The following SHLD2 variants were observed in gnomAD, a reference collection of about 807,000 sequenced individuals.
SHLD2 encodes the protein RINN1-REV7-interacting novel NHEJ regulator 2.
In SHLD2, 30 loss-of-function variants were observed where a neutral mutation model predicts 73.2. The observed-to-expected ratio is 0.41, with a 90% confidence interval of 0.31 to 0.56. The LOEUF is 0.56. Ranked by LOEUF, SHLD2 falls within the 20% of genes least tolerant of loss-of-function variation. The pLI is 0.28. For synonymous variants in SHLD2, 285 were observed against 370.1 expected (o/e 0.77, Z 2.64); for missense variants, 745 against 1,055.9 (o/e 0.71, Z 4.08).
intron 2 of SHLD2, among the ~76,000 whole-genome samples, chr10:87,118,140 A>G (rs1352473507): frequency 6.6e-6 from 1 of 152,246 alleles, no homozygotes. Context: ...CTGCTAAGCT[A>G]GAATGGAAGA....
At chr10:87,151,221 CAAAA>C (rs1338147483) in intron 2 of SHLD2, 125 bp from the exon 3 acceptor site, 1 of 502,042 alleles carries the variant, frequency 2.0e-6, no homozygotes, top group Admixed American at 3.7e-5. Context: ...AATGGCATAT[CAAAA>C]AAATCACCTA....
intron 2 of SHLD2, among the ~76,000 whole-genome samples, chr10:87,108,556 C>T (rs1014249030): frequency 2.0e-5 from 3 of 152,124 alleles, no homozygotes; most frequent in East Asian, 1.9e-4. Context: ...TCTCCCACCC[C>T]GGCCTTTTAA....
intron 4 of SHLD2, among the ~76,000 whole-genome samples, chr10:87,169,274 A>T (rs966163667): frequency 6.6e-6 from 1 of 152,210 alleles, no homozygotes; most frequent in Non-Finnish European, 1.5e-5. Context: ...AACTCTTCTG[A>T]TTCCAGATTT....
At chr10:87,165,905 G>A (rs3129462) in intron 4 of SHLD2, among the ~76,000 whole-genome samples, 7,407 of 152,152 alleles carry the variant, frequency 0.049, 327 homozygotes, top group African/African-American at 0.12. Context: ...TAAGTCTTAC[G>A]TTAGTTCAAA....
chr10:87,127,531 C>A (rs912024454), intron 2 of SHLD2, among the ~76,000 whole-genome samples: 1 of 62,858 alleles, frequency 1.6e-5, no homozygotes, highest in African/African-American at 6.8e-5. Flanking sequence ...TCTTACCCGC[C>A]CCCCCCCACC....
chr10:87,151,659 T>C lies in SHLD2; in HGVS notation c.305T>C (p.Ile102Thr), dbSNP rs1244994260. 1.2e-5 allele frequency: 20 copies of C among 1,611,690 alleles called. No individual in the cohort carries two copies. The highest frequency in any genetic ancestry group is 2.2e-4 in the Middle Eastern group (1 of 4,452). Residue 102 changes from isoleucine (I) to threonine (T), a missense_variant, in exon 3 of 10, where the codon ATA (isoleucine) becomes ACA (threonine). Ile to Thr is a moderately conservative substitution (Grantham distance 89). Coordinates refer to ENST00000298786, the MANE Select transcript of SHLD2 (RefSeq NM_001330112.2). ...CGTTCTGTTTCTGAAACACAGAATA[T>C]AGAATCCCAGAAGATTCACTCCTCT... ...FVRSVSETQN[I>T]ESQKIHSSRL...
At chr10:87,157,629 A>G (rs1846527224) in intron 3 of SHLD2, among the ~76,000 whole-genome samples, 1 of 152,228 alleles carries the variant, frequency 6.6e-6, no homozygotes, top group African/African-American at 2.4e-5. Flanking sequence ...TTATATTCAG[A>G]TATATTTATA....
chr10:87,154,671 G>A (rs575094327), intron 3 of SHLD2, among the ~76,000 whole-genome samples: 1 of 152,214 alleles, frequency 6.6e-6, no homozygotes, highest in Admixed American at 6.5e-5. Flanking sequence ...GTGAGCCACC[G>A]TGCCTGGCCA....
intron 2 of SHLD2, among the ~76,000 whole-genome samples, chr10:87,109,423 C>T (rs990587983): frequency 9.2e-5 from 14 of 151,944 alleles, no homozygotes; most frequent in South Asian, 4.2e-4. Flanking sequence ...CTCAGCCTCC[C>T]GAGTAGCTGG....
intron 2 of SHLD2, among the ~76,000 whole-genome samples, chr10:87,104,901 C>T (rs753405498): frequency 7.9e-5 from 12 of 152,046 alleles, no homozygotes; most frequent in African/African-American, 1.9e-4. Flanking sequence ...CCTTGTGATC[C>T]GCCTGCCTCC....
At chr10:87,106,000 TTTTG>T (rs1006571179) in intron 2 of SHLD2, among the ~76,000 whole-genome samples, 12 of 151,926 alleles carry the variant, frequency 7.9e-5, no homozygotes, top group Non-Finnish European at 1.6e-4. Context: ...GAATAATTGG[TTTTG>T]TTTGTTTGTT....
At chr10:87,113,796 A>C (rs1185898226) in intron 2 of SHLD2, among the ~76,000 whole-genome samples, 2 of 152,210 alleles carry the variant, frequency 1.3e-5, no homozygotes, top group Admixed American at 1.3e-4. Flanking sequence ...ACTTGAGGCC[A>C]GGAGTTCGAG....
At chr10:87,131,577 G>A (rs1844431582) in intron 2 of SHLD2, among the ~76,000 whole-genome samples, 1 of 151,928 alleles carries the variant, frequency 6.6e-6, no homozygotes, top group Non-Finnish European at 1.5e-5. Context: ...TTTTCATTGT[G>A]TGGATATATC....
At chr10:87,185,180 C>G (rs1366539883) in intron 8 of SHLD2, among the ~76,000 whole-genome samples, 2 of 152,128 alleles carry the variant, frequency 1.3e-5, no homozygotes, top group Non-Finnish European at 2.9e-5. Flanking sequence ...AATATGTGAT[C>G]TTTTGTGACT....
At chr10:87,116,218 C>A (rs1253686251) in intron 2 of SHLD2, among the ~76,000 whole-genome samples, 1 of 151,754 alleles carries the variant, frequency 6.6e-6, no homozygotes, top group Non-Finnish European at 1.5e-5. Flanking sequence ...ACAGTAAGTG[C>A]AAACATTCTT....
chr10:87,114,543 G>C (rs1361382111), intron 2 of SHLD2: 2 of 152,134 alleles, frequency 1.3e-5, no homozygotes, highest in Non-Finnish European at 2.9e-5. Flanking sequence ...TGGCCAACAT[G>C]GTGAAACCCC....
chr10:87,190,558 C>G lies in SHLD2; in HGVS notation c.2590C>G (p.Pro864Ala), dbSNP rs1270542982. 1 of 1,611,830 alleles carries G rather than the reference C, an allele frequency of 6.2e-7. No homozygotes were observed. Among genetic ancestry groups the G allele is most frequent in the Non-Finnish European group, 8.5e-7 (1 of 1,179,832 alleles). ...FHSLLAVSAE[P>A]CVLKIQSLFV... The stretch of plus-strand genomic sequence containing the variant: ...CTCCTTGTTGGCAGTCAGCGCAGAA[C>G]CTTGTGTATTAAAGATTCAGAGCCT... The change falls in exon 10 of 10, where the codon CCT (proline) becomes GCT (alanine). Residue 864 changes from proline (P) to alanine (A), a missense_variant. Physicochemically the swap from Pro to Ala is conservative, Grantham distance 27. Coordinates refer to ENST00000298786, the MANE Select transcript of SHLD2 (RefSeq NM_001330112.2).
At chr10:87,188,913 TCCC>T (rs1275904401) in intron 9 of SHLD2, among the ~76,000 whole-genome samples, 1 of 152,136 alleles carries the variant, frequency 6.6e-6, no homozygotes, top group Admixed American at 6.5e-5. Flanking sequence ...TCCGTTTTTT[TCCC>T]CCATTTTCTT....
intron 2 of SHLD2, among the ~76,000 whole-genome samples, chr10:87,125,662 A>G (rs1455017285): frequency 1.1e-4 from 16 of 150,526 alleles, no homozygotes; most frequent in South Asian, 4.2e-4. Flanking sequence ...GCTTGAACCC[A>G]AGAGGTGGAG....
Sources: allele counts gnomAD v4.1 joint callset (sites outside exome capture counted in the v4.1 genomes callset), GRCh38; gene constraint gnomAD v4.1.1; transcripts MANE v1.5; gene names NCBI Gene and HGNC (gene_info 2026-07-23, HGNC 2026-07-21).